GPT2: variants seen among roughly 807,000 people sequenced by gnomAD.
GPT2 encodes the protein alanine aminotransferase 2.
A neutral mutation model predicts 56.9 loss-of-function variants in GPT2; 30 were observed. The ratio of observed to expected loss-of-function variants is 0.53; its 90% CI spans 0.39 to 0.72. The LOEUF (loss-of-function observed/expected upper bound fraction) is 0.72. Among genes scored for constraint, GPT2 ranks in the 30% least tolerant of loss-of-function variants. The pLI is 0.00. For missense variants in GPT2, 542 were observed against 703.4 expected (o/e 0.77, Z 2.60); for synonymous variants, 271 against 283.1 (o/e 0.96, Z 0.43).
At chr16:46,918,540 G>A (rs1241022382) in intron 7 of GPT2, 81 bp from the exon 8 acceptor site, 1 of 1,523,158 alleles carries the variant, frequency 6.6e-7, no homozygotes, top group Non-Finnish European at 9.0e-7. Flanking sequence ...CACAGCACCT[G>A]TGCCCTCCCT....
Position 46,909,946 on chromosome 16 carries a change from C to T in GPT2, c.820+19C>T, listed in dbSNP as rs764058400. The T allele has an allele frequency of 1.9e-6, 3 of 1,575,572 alleles. No individual in the cohort carries two copies. Among genetic ancestry groups the T allele is most frequent in the Non-Finnish European group, 1.7e-6 (2 of 1,155,630 alleles). On this transcript the variant is annotated intron_variant, in intron 6 of 11. Transcript: ENST00000340124. ...CCCACAGGTCTGCACTTTACTTCCT[C>T]ACCAGTTTCGTAGAGGGTGGGGGTG...
intron 1 of GPT2, 93 bp from the exon 2 acceptor site, chr16:46,884,601 C>T: frequency 8.0e-7 from 1 of 1,252,282 alleles, no homozygotes. Flanking sequence ...TGGCACCGCT[C>T]GCTGAAAGAG....
intron 7 of GPT2, among the ~76,000 whole-genome samples, chr16:46,918,179 T>G (rs1418541467): frequency 6.6e-6 from 1 of 152,124 alleles, no homozygotes; most frequent in Non-Finnish European, 1.5e-5. Flanking sequence ...AGTGGGGGGT[T>G]AAGTGTTGCA....
chr16:46,890,318 G>A (rs1179178377), intron 2 of GPT2, among the ~76,000 whole-genome samples: 1 of 152,090 alleles, frequency 6.6e-6, no homozygotes, highest in African/African-American at 2.4e-5. Context: ...GCCCTTTTTG[G>A]GATCAGGAGC....
chr16:46,891,413 T>C (rs1039247917), intron 2 of GPT2, among the ~76,000 whole-genome samples: 1 of 151,924 alleles, frequency 6.6e-6, no homozygotes, highest in Non-Finnish European at 1.5e-5. Context: ...AGGCTAATTT[T>C]TTTTTTTGAG....
chr16:46,900,574 C>A (rs1378466743), intron 3 of GPT2, 108 bp from the exon 4 acceptor site: 1 of 796,164 alleles, frequency 1.3e-6, no homozygotes, highest in South Asian at 1.6e-5. Context: ...GAGAGGCTTG[C>A]GTCAGCCCCA....
chr16:46,910,397 A>AAG (rs1555485869), intron 6 of GPT2, among the ~76,000 whole-genome samples: 1 of 149,964 alleles, frequency 6.7e-6, no homozygotes, highest in East Asian at 2.0e-4. Context: ...AAAAAAAAAA[A>AAG]AAAAAAAAAA....
chr16:46,887,958 C>G (rs988393165), intron 2 of GPT2, among the ~76,000 whole-genome samples: 1 of 152,208 alleles, frequency 6.6e-6, no homozygotes, highest in Non-Finnish European at 1.5e-5. Flanking sequence ...AGGGGAGAAC[C>G]TATCTTAGCT....
At position 46,925,412 on chromosome 16, in the gene GPT2, G is replaced by A. The variant is rs1037963718; in HGVS notation, c.1368+868G>A. Among the ~76,000 whole-genome samples the A allele has an allele frequency of 2.6e-5, 4 of 152,144 alleles. No individual in the cohort carries two copies. The South Asian group carries it at 6.2e-4, about 24-fold the overall frequency. Reference sequence around the variant, plus strand: ...AATTTTTTGTATTTTTAGTAGAGACGGGGTTTCACCGTGTTAGCCAGGATG... The same window carrying A: ...AATTTTTTGTATTTTTAGTAGAGACAGGGTTTCACCGTGTTAGCCAGGATG... On this transcript the variant is annotated intron_variant, in intron 10 of 11. Coordinates refer to ENST00000340124, the MANE Select transcript of GPT2 (RefSeq NM_133443.4).
chr16:46,922,949 C>A (rs566127844), intron 9 of GPT2, among the ~76,000 whole-genome samples: 2 of 152,172 alleles, frequency 1.3e-5, no homozygotes, highest in Non-Finnish European at 2.9e-5. Context: ...ATAAAGTCGA[C>A]CTTTTTAACC....
intron 10 of GPT2, among the ~76,000 whole-genome samples, chr16:46,926,055 C>T (rs778553474): frequency 2.8e-4 from 42 of 148,124 alleles, no homozygotes; most frequent in Non-Finnish European, 5.4e-4. Flanking sequence ...CGCTTAAACC[C>T]GGGAGCTGGA....
At chr16:46,885,650 G>A (rs1301304991) in intron 2 of GPT2, 2 of 533,994 alleles carry the variant, frequency 3.7e-6, no homozygotes, top group Non-Finnish European at 4.8e-6. Context: ...CTTGGTGGTC[G>A]GCCGGCTGGC....
chr16:46,917,049 CTG>C (rs1961183709), intron 7 of GPT2, among the ~76,000 whole-genome samples: 1 of 152,194 alleles, frequency 6.6e-6, no homozygotes, highest in South Asian at 2.1e-4. Flanking sequence ...TTCTACCCCT[CTG>C]TGTTGGCCTC....
chr16:46,924,115 C>G (rs1008763843), intron 9 of GPT2: 8 of 467,422 alleles, frequency 1.7e-5, no homozygotes, highest in African/African-American at 1.6e-4. Flanking sequence ...TTGCTGTGCT[C>G]AGGCTCACAC....
intron 4 of GPT2, 105 bp from the exon 5 acceptor site, chr16:46,906,737 C>G (rs1960937761): frequency 2.0e-6 from 3 of 1,478,642 alleles, no homozygotes; most frequent in Admixed American, 1.8e-5. Context: ...ACCCCGAGAC[C>G]CTCACCCCAA....
Position 46,886,883 on chromosome 16 carries a change from GT to G in GPT2, c.243+1932del, listed in dbSNP as rs563978675. On this transcript the variant is annotated intron_variant, in intron 2 of 11. Transcript: ENST00000340124. ...CATATCCTACTCCTGAGTTAGTTGAGTTTTTTTGGCCACCTACATTCTGTGG... is the reference window on the plus strand; with the variant it reads ...CATATCCTACTCCTGAGTTAGTTGAGTTTTTTGGCCACCTACATTCTGTGG... Among the ~76,000 whole-genome samples the G allele has an allele frequency of 1.1e-4, 16 of 152,222 alleles. No homozygotes were observed. The South Asian group carries it at 3.3e-3, about 32-fold the overall frequency.
intron 2 of GPT2, among the ~76,000 whole-genome samples, chr16:46,891,881 AC>A (rs901093248): frequency 3.3e-5 from 5 of 149,640 alleles, no homozygotes; most frequent in Non-Finnish European, 4.4e-5. Context: ...ACTTTTTGGT[AC>A]CCATTAACCA....
At position 46,930,336 on chromosome 16, in the gene GPT2, G is replaced by C. The variant is rs982093980; in HGVS notation, c.*1339G>C. 1 of 152,284 alleles carries C rather than the reference G, an allele frequency of 6.6e-6. No individual in the cohort carries two copies. Among genetic ancestry groups the C allele is most frequent in the African/African-American group, 2.4e-5 (1 of 41,468 alleles). The allele number at this position is 152,284 out of a possible 1,614,324, so 9.4% of individuals were successfully genotyped here. ...CCCATCCTCCCTGCCTTCCCCAGTGGGAAGTTAGGGAAGCTCAGGAGCCTG... is the reference window on the plus strand; with the variant it reads ...CCCATCCTCCCTGCCTTCCCCAGTGCGAAGTTAGGGAAGCTCAGGAGCCTG... On this transcript the variant is annotated 3_prime_UTR_variant, in exon 12 of 12. Coordinates refer to ENST00000340124, the MANE Select transcript of GPT2 (RefSeq NM_133443.4).
intron 9 of GPT2, 159 bp from the exon 10 acceptor site, chr16:46,924,230 G>A (rs1370594588): frequency 3.8e-6 from 3 of 794,042 alleles, no homozygotes; most frequent in South Asian, 2.9e-5. Flanking sequence ...CCCAGGCAGA[G>A]CAAATCTGAG....
Sources: allele counts gnomAD v4.1 joint callset (sites outside exome capture counted in the v4.1 genomes callset), GRCh38; gene constraint gnomAD v4.1.1; transcripts MANE v1.5; gene names NCBI Gene and HGNC (gene_info 2026-07-23, HGNC 2026-07-21).